Variants in STK10 observed in about 807,000 individuals in gnomAD.
STK10 encodes serine/threonine-protein kinase 10.
Under a neutral mutation model 113.8 loss-of-function variants are expected in STK10, and 78 were observed. That is an observed-to-expected ratio of 0.69 (90% CI 0.57 to 0.83). STK10 has a LOEUF of 0.83. Ranked by LOEUF, STK10 falls within the 40% of genes least tolerant of loss-of-function variation. The probability of loss-of-function intolerance (pLI) is 0.00; values close to 1 mark genes in which losing one functional copy is unlikely to be tolerated. For synonymous variants in STK10, 465 were observed against 494.7 expected (o/e 0.94, Z 0.80); for missense variants, 1,109 against 1,280.1 (o/e 0.87, Z 2.04).
chr5:172,149,469 G>A (rs1458420271), intron 2 of STK10, among the ~76,000 whole-genome samples: 1 of 152,026 alleles, frequency 6.6e-6, no homozygotes, highest in Non-Finnish European at 1.5e-5. Context: ...AGCCTGTGCA[G>A]ACTTTAAAGT....
chr5:172,165,737 G>C (rs976362168), intron 1 of STK10, among the ~76,000 whole-genome samples: 2 of 152,324 alleles, frequency 1.3e-5, no homozygotes, highest in African/African-American at 4.8e-5. Context: ...ATGGTCCCAA[G>C]GCAGGCCAAC....
At position 172,187,855 on chromosome 5, in the gene STK10, G is replaced by C. The variant is rs778264836; in HGVS notation, c.156+32C>G. Reference sequence around the variant, plus strand: ...TCCCTTCCTTCCGGAGCCCCTCGACGCGCGTCCGGCCACCCACCTCAGCGC... The same window carrying C: ...TCCCTTCCTTCCGGAGCCCCTCGACCCGCGTCCGGCCACCCACCTCAGCGC... On this transcript the variant is annotated intron_variant, in intron 1 of 18. Coordinates refer to ENST00000176763, the MANE Select transcript of STK10 (RefSeq NM_005990.4). This position sits in a 1 kb window ranked among gnomAD's most constrained non-coding sequence, Gnocchi z 4.6. 4 of 1,607,642 alleles carry C rather than the reference G, an allele frequency of 2.5e-6. No homozygotes were observed. The South Asian group carries it at 4.4e-5, about 18-fold the overall frequency.
rs554154795 is a variant in STK10 at position 172,173,346 on chromosome 5, T to C, written c.156+14541A>G. Among the ~76,000 whole-genome samples, 27 of 152,292 alleles carry C rather than the reference T, an allele frequency of 1.8e-4. 1 individual carries two copies. The South Asian group carries it at 5.2e-3, about 29-fold the overall frequency. ...GGTTCGCCAGCTCTGACAAGGGTCA[T>C]TGCCTCAGGGTGACAATGCTGGCTC... On this transcript the variant is annotated intron_variant, in intron 1 of 18. Coordinates refer to ENST00000176763, the MANE Select transcript of STK10 (RefSeq NM_005990.4).
intron 3 of STK10, among the ~76,000 whole-genome samples, chr5:172,125,676 C>T (rs1270826178): frequency 2.0e-5 from 3 of 152,274 alleles, no homozygotes; most frequent in African/African-American, 7.2e-5. Flanking sequence ...TGAGCCACCA[C>T]ACCCAGCCAA....
At position 172,106,660 on chromosome 5, in the gene STK10, C is replaced by A. The variant is rs1353302192; in HGVS notation, c.748G>T (p.Ala250Ser). The A allele has an allele frequency of 6.2e-7, 1 of 1,613,472 alleles. No homozygotes were observed. Among genetic ancestry groups the A allele is most frequent in the Admixed American group, 1.7e-5 (1 of 59,996 alleles). ...LNPMRVLLKI[A>S]KSDPPTLLTP... ...AGCAGCGTGGGAGGGTCCGACTTGG[C>A]GATCTTTAGCAGGACCCGCATGGGG... The change falls in exon 6 of 19, where the codon GCC (alanine) becomes TCC (serine). Residue 250 changes from alanine (A) to serine (S), a missense_variant. Transcript: ENST00000176763.
chr5:172,133,583 G>A lies in STK10; in HGVS notation c.322-6162C>T, dbSNP rs541626328. Among the ~76,000 whole-genome samples, 2 of 152,246 alleles carry A rather than the reference G, an allele frequency of 1.3e-5. No individual in the cohort carries two copies. The highest frequency in any genetic ancestry group is 2.1e-4 in the South Asian group (1 of 4,826). The stretch of plus-strand genomic sequence containing the variant: ...GCTTGATGGTGTGGAATGCCACGTC[G>A]TCTCACTCTGGAGCTAATTAGGAAG... On this transcript the variant is annotated intron_variant, in intron 2 of 18. Coordinates refer to ENST00000176763, the MANE Select transcript of STK10 (RefSeq NM_005990.4). This position sits in a 1 kb window ranked among gnomAD's most constrained non-coding sequence, Gnocchi z 4.9.
At chr5:172,067,748 T>C (rs1295710197) in intron 12 of STK10, among the ~76,000 whole-genome samples, 1 of 152,036 alleles carries the variant, frequency 6.6e-6, no homozygotes, top group Non-Finnish European at 1.5e-5. Flanking sequence ...ATTTGAAGAC[T>C]GATTAATAAA....
chr5:172,181,695 G>C (rs1339704370), intron 1 of STK10, among the ~76,000 whole-genome samples: 5 of 148,382 alleles, frequency 3.4e-5, no homozygotes, highest in African/African-American at 1.2e-4. Flanking sequence ...TGTTGGCCAG[G>C]CTGGTCTCGA....
At chr5:172,172,671 C>T (rs1770682337) in intron 1 of STK10, among the ~76,000 whole-genome samples, 1 of 152,238 alleles carries the variant, frequency 6.6e-6, no homozygotes, top group South Asian at 2.1e-4. Context: ...AGATGAACAG[C>T]ATCCCCAGGT....
At chr5:172,074,545 A>G (rs527893737) in intron 12 of STK10, among the ~76,000 whole-genome samples, 4 of 152,352 alleles carry the variant, frequency 2.6e-5, no homozygotes, top group African/African-American at 7.2e-5. Context: ...CCCACACCTT[A>G]TATCTTATAT....
At chr5:172,107,199 A>G (rs1317022675) in intron 5 of STK10, 1 of 194,368 alleles carries the variant, frequency 5.1e-6, no homozygotes, top group Non-Finnish European at 1.1e-5. Flanking sequence ...GGAGAGAGAG[A>G]GCAAGGGTGA....
At chr5:172,165,520 C>T (rs1488157454) in intron 1 of STK10, among the ~76,000 whole-genome samples, 1 of 152,172 alleles carries the variant, frequency 6.6e-6, no homozygotes, top group Admixed American at 6.5e-5. Flanking sequence ...CAGTGGGGGA[C>T]TTGGCCAGCA....
At chr5:172,161,731 T>C (rs1770475847) in intron 1 of STK10, among the ~76,000 whole-genome samples, 1 of 152,028 alleles carries the variant, frequency 6.6e-6, no homozygotes, top group Non-Finnish European at 1.5e-5. Context: ...CACCCTACAA[T>C]GTGGTGCTGT....
intron 18 of STK10, among the ~76,000 whole-genome samples, chr5:172,049,151 A>G (rs933529968): frequency 1.1e-4 from 17 of 152,264 alleles, no homozygotes; most frequent in Middle Eastern, 6.8e-3. Context: ...TCCGGAGGGC[A>G]TGGACTTGTC....
At chr5:172,088,820 T>C (rs560124116) in intron 10 of STK10, among the ~76,000 whole-genome samples, 3 of 152,212 alleles carry the variant, frequency 2.0e-5, no homozygotes, top group Non-Finnish European at 2.9e-5. Context: ...TGCCCAGAAA[T>C]AGTGTTTCCT....
chr5:172,182,817 G>A (rs1770884084), intron 1 of STK10, among the ~76,000 whole-genome samples: 1 of 152,028 alleles, frequency 6.6e-6, no homozygotes. Flanking sequence ...CTCTCAAAGT[G>A]CTGAGATTAC....
At chr5:172,106,419 G>GAAAAAAAAAAAAAAAAAACAAAAA (rs1769110876) in intron 6 of STK10, among the ~76,000 whole-genome samples, 1 of 102,106 alleles carries the variant, frequency 9.8e-6, no homozygotes, top group Non-Finnish European at 1.9e-5. Flanking sequence ...AAAAAAAAAA[G>GAAAAAAAAAAAAAAAAAACAAAAA]GAACACAAAG....
At chr5:172,178,382 C>CGCCT in intron 1 of STK10, among the ~76,000 whole-genome samples, 1 of 152,278 alleles carries the variant, frequency 6.6e-6, no homozygotes, top group African/African-American at 2.4e-5. Flanking sequence ...ATCACCATCC[C>CGCCT]GCCTGCCGTA....
intron 9 of STK10, among the ~76,000 whole-genome samples, chr5:172,091,430 C>T (rs1028148758): frequency 1.3e-5 from 2 of 152,042 alleles, no homozygotes; most frequent in African/African-American, 4.8e-5. Context: ...TGTCATAATA[C>T]GTGGTACCCT....
Sources: gnomAD v4.1 joint callset for allele counts (sites outside exome capture counted in the v4.1 genomes callset) on GRCh38, gnomAD v4.1.1 for gene constraint, Gnocchi (gnomAD v3.1) non-coding constraint, MANE v1.5 for transcripts, NCBI Gene and HGNC (gene_info 2026-07-23, HGNC 2026-07-21) for gene names.